Variants in RSU1 observed in about 807,000 individuals in gnomAD.
The protein encoded by RSU1 is Ras suppressor protein 1.
RSU1 carries 26 observed loss-of-function variants against 31.1 expected under a neutral mutation model. That is an observed-to-expected ratio of 0.84 (90% CI 0.61 to 1.16). The LOEUF (loss-of-function observed/expected upper bound fraction) is 1.16. RSU1 is among the 50% of genes most tolerant of loss of function. The pLI, the probability that RSU1 is intolerant of heterozygous loss-of-function variation, is 0.00. For missense variants in RSU1, 320 were observed against 339.1 expected, an observed-to-expected ratio of 0.94 and a Z score of 0.44; for synonymous variants, 164 against 136.3, an observed-to-expected ratio of 1.20 and a Z score of -1.41.
At chr10:16,810,994 C>A (rs1838396909) in intron 2 of RSU1, among the ~76,000 whole-genome samples, 1 of 128,114 alleles carries the variant, frequency 7.8e-6, no homozygotes. Flanking sequence ...TGTAGTCCAG[C>A]CTGGGCAACA....
intron 7 of RSU1, among the ~76,000 whole-genome samples, chr10:16,737,116 C>T (rs12098816): frequency 0.26 from 39,203 of 151,106 alleles, 5,881 homozygotes; most frequent in African/African-American, 0.42. Context: ...TGATCTAACA[C>T]AAGAGTAATG....
At chr10:16,743,187 A>G (rs1339975431) in intron 7 of RSU1, among the ~76,000 whole-genome samples, 1 of 152,220 alleles carries the variant, frequency 6.6e-6, no homozygotes, top group African/African-American at 2.4e-5. Flanking sequence ...ATTAAGGCAT[A>G]TATTTGGAAC....
chr10:16,786,436 T>C (rs551463032), intron 2 of RSU1, among the ~76,000 whole-genome samples: 2 of 152,288 alleles, frequency 1.3e-5, no homozygotes, highest in South Asian at 2.1e-4. Flanking sequence ...TCTTGTATTT[T>C]TTCTGCCACA....
intron 8 of RSU1, among the ~76,000 whole-genome samples, chr10:16,645,036 G>A (rs1564297664): frequency 6.6e-6 from 1 of 152,094 alleles, no homozygotes; most frequent in Non-Finnish European, 1.5e-5. Flanking sequence ...TTAAAGGGGG[G>A]AAAAAGCAGT....
intron 8 of RSU1, among the ~76,000 whole-genome samples, chr10:16,684,007 T>C (rs771215095): frequency 6.6e-6 from 1 of 152,210 alleles, no homozygotes. Context: ...ACCAAGATTC[T>C]TGAAGTGTCA....
chr10:16,688,972 C>A (rs552705190), intron 8 of RSU1, among the ~76,000 whole-genome samples: 28 of 150,938 alleles, frequency 1.9e-4, no homozygotes, highest in Middle Eastern at 6.8e-3. Flanking sequence ...GGTGCCCCTG[C>A]ACTGCAGCCT....
At position 16,769,315 on chromosome 10, in the gene RSU1, T is replaced by C. The variant is rs189691683; in HGVS notation, c.161-4805A>G. Among the ~76,000 whole-genome samples the C allele has an allele frequency of 9.1e-4, 139 of 152,384 alleles. 2 individuals carry two copies. The highest frequency in any genetic ancestry group is 1.0e-3 in the Non-Finnish European group (69 of 68,036). ...CTTTCTGTTGGACAGCCACTAGTTA[T>C]ATGCAGCTGTTTGAATTTAAATCTA... On this transcript the variant is annotated intron_variant, in intron 3 of 8. Transcript: ENST00000345264.
At chr10:16,650,597 T>TTTTTTA (rs1834665773) in intron 8 of RSU1, among the ~76,000 whole-genome samples, 1 of 109,134 alleles carries the variant, frequency 9.2e-6, no homozygotes, top group African/African-American at 3.3e-5. Flanking sequence ...TTTTTTTTTG[T>TTTTTTA]GAGACAGAAT....
chr10:16,648,405 T>C (rs527468976), intron 8 of RSU1, among the ~76,000 whole-genome samples: 385 of 152,344 alleles, frequency 2.5e-3, no homozygotes, highest in Middle Eastern at 6.8e-3. Flanking sequence ...TCTCAAATGC[T>C]AATGTGCTGA....
At chr10:16,684,601 C>T (rs1042006599) in intron 8 of RSU1, among the ~76,000 whole-genome samples, 1 of 152,064 alleles carries the variant, frequency 6.6e-6, no homozygotes, top group Non-Finnish European at 1.5e-5. Flanking sequence ...AGGAGAGAGG[C>T]CTTAGACAAA....
Position 16,645,874 on chromosome 10 carries a change from ATATGTG to A in RSU1, c.731+49143_731+49148del, listed in dbSNP as rs1326887393. ...TTAAAATATATACGTATATATACAT[ATATGTG>A]TATATACATATATGTATATACACAT... On this transcript the variant is annotated intron_variant, in intron 8 of 8. Transcript: ENST00000345264. 2.7e-5 allele frequency among the ~76,000 whole-genome samples: 3 copies of A among 112,980 alleles called. 1 individual carries two copies. The highest frequency in any genetic ancestry group is 1.5e-4 in the African/African-American group (3 of 19,732). 74.1% of individuals were successfully genotyped at this position (112,980 alleles called of 152,430 possible).
At chr10:16,676,065 C>G (rs934456373) in intron 8 of RSU1, among the ~76,000 whole-genome samples, 3 of 152,198 alleles carry the variant, frequency 2.0e-5, no homozygotes, top group Non-Finnish European at 4.4e-5. Flanking sequence ...AGTCCATCCT[C>G]AAGTCCAAAA....
chr10:16,744,152 A>C (rs1836803381), intron 7 of RSU1, among the ~76,000 whole-genome samples: 1 of 151,970 alleles, frequency 6.6e-6, no homozygotes, highest in South Asian at 2.1e-4. Flanking sequence ...AAAAGAAAGA[A>C]AGAAAAGATT....
intron 8 of RSU1, among the ~76,000 whole-genome samples, chr10:16,596,256 G>A (rs554598755): frequency 1.8e-4 from 28 of 152,250 alleles, no homozygotes; most frequent in African/African-American, 6.7e-4. Context: ...TGCAGGTGTC[G>A]AAGTTAAGGA....
intron 8 of RSU1, among the ~76,000 whole-genome samples, chr10:16,652,333 G>A (rs1834699336): frequency 7.2e-6 from 1 of 137,950 alleles, no homozygotes; most frequent in African/African-American, 2.7e-5. Flanking sequence ...GAGAAAGACT[G>A]TAGCTCAGAA....
intron 4 of RSU1, among the ~76,000 whole-genome samples, chr10:16,756,109 A>G (rs910464359): frequency 3.3e-5 from 5 of 152,114 alleles, no homozygotes; most frequent in African/African-American, 1.2e-4. Flanking sequence ...TTGGAGGGAA[A>G]ATCATGTTTT....
At position 16,648,286 on chromosome 10, in the gene RSU1, G is replaced by T. The variant is rs74128720; in HGVS notation, c.731+46737C>A. 4.2e-3 allele frequency among the ~76,000 whole-genome samples: 633 copies of T among 152,228 alleles called. 3 individuals carry two copies. Among genetic ancestry groups the T allele is most frequent in the African/African-American group, 0.014 (598 of 41,528 alleles). ...TAGCGTTACGTGCTTTCTTCTGAAT[G>T]AAGTGTCTTTGAATCACTTTTGTCT... is the stretch of plus-strand genomic sequence containing the variant. On this transcript the variant is annotated intron_variant, in intron 8 of 8. Coordinates refer to ENST00000345264, the MANE Select transcript of RSU1 (RefSeq NM_012425.4).
chr10:16,729,360 G>C (rs1361393867), intron 7 of RSU1, among the ~76,000 whole-genome samples: 1 of 152,204 alleles, frequency 6.6e-6, no homozygotes, highest in Non-Finnish European at 1.5e-5. Context: ...CTCCCTGTGA[G>C]TACCATGCTA....
At chr10:16,681,490 G>T (rs1044440989) in intron 8 of RSU1, among the ~76,000 whole-genome samples, 2 of 152,140 alleles carry the variant, frequency 1.3e-5, no homozygotes, top group Admixed American at 6.5e-5. Context: ...GGTCATCATT[G>T]TCTTCTATTG....
Sources: allele counts gnomAD v4.1 joint callset (sites outside exome capture counted in the v4.1 genomes callset), GRCh38; gene constraint gnomAD v4.1.1; transcripts MANE v1.5; gene names NCBI Gene and HGNC (gene_info 2026-07-23, HGNC 2026-07-21).